PPP4R3B: variants seen among roughly 807,000 people sequenced by gnomAD.
The protein encoded by PPP4R3B is protein phosphatase 4 regulatory subunit 3B.
A neutral mutation model predicts 95.4 loss-of-function variants in PPP4R3B; 52 were observed. That is an observed-to-expected ratio of 0.54 (90% CI 0.44 to 0.69). The LOEUF (loss-of-function observed/expected upper bound fraction) is 0.69, where lower values mean the gene tolerates loss of function less well. PPP4R3B is among the 30% of genes least tolerant of loss of function. The pLI is 0.00. For missense variants in PPP4R3B, 1,003 were observed against 1,005.9 expected (o/e 1.00, Z 0.04); for synonymous variants, 407 against 343.9 (o/e 1.18, Z -2.03).
chr2:55,584,989 T>C (rs372001310), intron 7 of PPP4R3B, 62 bp downstream of exon 7: 8 of 1,142,570 alleles, frequency 7.0e-6, no homozygotes, highest in African/African-American at 6.4e-5. Flanking sequence ...TTTCTCTCAA[T>C]AGTTTGCAAA....
At chr2:55,557,124 A>G (rs2103825991) in intron 16 of PPP4R3B, among the ~76,000 whole-genome samples, 1 of 152,334 alleles carries the variant, frequency 6.6e-6, no homozygotes, top group South Asian at 2.1e-4. Flanking sequence ...GAGAGATTAA[A>G]TAACTTATAC....
chr2:55,562,945 T>C (rs1262050643), intron 15 of PPP4R3B, among the ~76,000 whole-genome samples: 1 of 152,246 alleles, frequency 6.6e-6, no homozygotes, highest in East Asian at 1.9e-4. Context: ...CCGTAAGTCC[T>C]AAATATTCCA....
In PPP4R3B at chr2:55,569,584, CCTCT is replaced by C. The variant is rs900545626; in HGVS notation, c.1766-1225_1766-1222del. On this transcript the variant is annotated intron_variant, in intron 12 of 16. Transcript: ENST00000616407. Reference sequence around the variant, plus strand: ...GTGTAAGCTATCTCTCTCTCTTTCTCCTCTCTCTGCCTCGGCTGCCAGGCAGGGA... The same window carrying C: ...GTGTAAGCTATCTCTCTCTCTTTCTCCTCTGCCTCGGCTGCCAGGCAGGGA... Among the ~76,000 whole-genome samples the C allele has an allele frequency of 2.6e-4, 40 of 152,324 alleles. 1 individual carries two copies. The highest frequency in any genetic ancestry group is 8.9e-4 in the African/African-American group (37 of 41,580).
At chr2:55,571,696 G>T in intron 12 of PPP4R3B, among the ~76,000 whole-genome samples, 1 of 152,282 alleles carries the variant, frequency 6.6e-6, no homozygotes, top group African/African-American at 2.4e-5. Context: ...TGCGATTTCA[G>T]CTCACTGCAA....
rs148269740 is a variant in PPP4R3B, at chr2:55,593,632, G to A, written c.922-4676C>T. Among the ~76,000 whole-genome samples, 104 of 152,274 alleles carry A rather than the reference G, an allele frequency of 6.8e-4. 2 individuals carry two copies. In the East Asian group the frequency reaches 0.017, roughly 25 times the overall value. ...CTTAGAGGCCACTGTAGGGCCAGGT[G>A]TGGTGGTTCACATCTGTAATCCCAA... On this transcript the variant is annotated intron_variant, in intron 4 of 16. Transcript: ENST00000616407.
intron 3 of PPP4R3B, among the ~76,000 whole-genome samples, chr2:55,603,145 G>T (rs938933131): frequency 6.6e-6 from 1 of 152,066 alleles, no homozygotes; most frequent in Non-Finnish European, 1.5e-5. Flanking sequence ...TAGAGATGAG[G>T]TTCCACCATG....
chr2:55,591,155 T>G (rs900871804), intron 4 of PPP4R3B, among the ~76,000 whole-genome samples: 6 of 151,966 alleles, frequency 3.9e-5, no homozygotes, highest in South Asian at 2.1e-4. Flanking sequence ...TTTTTTTTTT[T>G]TTCTAGAGTC....
intron 16 of PPP4R3B, among the ~76,000 whole-genome samples, chr2:55,551,872 CTAT>C (rs1230954770): frequency 6.6e-6 from 1 of 152,128 alleles, no homozygotes; most frequent in Non-Finnish European, 1.5e-5. Context: ...TATCATTTTT[CTAT>C]TATTTTGTTT....
chr2:55,577,249 A>G (rs1260199734), intron 11 of PPP4R3B, 66 bp downstream of exon 11: 4 of 1,494,676 alleles, frequency 2.7e-6, no homozygotes, highest in African/African-American at 2.9e-5. Context: ...ATATAAGTGC[A>G]TTACACTTAG....
intron 2 of PPP4R3B, among the ~76,000 whole-genome samples, chr2:55,611,417 G>A (rs2103872324): frequency 6.6e-6 from 1 of 152,324 alleles, no homozygotes; most frequent in East Asian, 1.9e-4. Flanking sequence ...GTTATTTCAT[G>A]TTGTATCATA....
intron 15 of PPP4R3B, among the ~76,000 whole-genome samples, chr2:55,562,872 G>T (rs1049537189): frequency 2.0e-5 from 3 of 152,076 alleles, no homozygotes; most frequent in African/African-American, 7.2e-5. Flanking sequence ...TTTACTCATG[G>T]TAAAAACCTA....
chr2:55,616,994 A>G (rs1695042693), intron 1 of PPP4R3B, 150 bp downstream of exon 1: 2 of 788,354 alleles, frequency 2.5e-6, no homozygotes, highest in African/African-American at 1.7e-5. Context: ...TCAAAAGTAC[A>G]GTACTTTGTT....
At chr2:55,566,155 G>C (rs1021882995) in intron 13 of PPP4R3B, among the ~76,000 whole-genome samples, 4 of 151,896 alleles carry the variant, frequency 2.6e-5, no homozygotes, top group African/African-American at 9.7e-5. Flanking sequence ...GTCATTTCTT[G>C]AAAAGATACA....
intron 4 of PPP4R3B, among the ~76,000 whole-genome samples, chr2:55,589,160 G>C (rs1162059961): frequency 6.8e-6 from 1 of 147,490 alleles, no homozygotes; most frequent in East Asian, 2.1e-4. Flanking sequence ...TCAATATCTA[G>C]TTTAACTAAA....
intron 12 of PPP4R3B, among the ~76,000 whole-genome samples, chr2:55,569,575 T>A (rs1687730245): frequency 6.6e-6 from 1 of 152,142 alleles, no homozygotes; most frequent in South Asian, 2.1e-4. Flanking sequence ...GCTATCTCTC[T>A]CTCTTTCTCC....
Position 55,568,293 on chromosome 2 carries a change from T to C in PPP4R3B, c.1836A>G (p.Gly612=). 1 of 1,611,170 alleles carries C rather than the reference T, an allele frequency of 6.2e-7. No homozygotes were observed. Among genetic ancestry groups the C allele is most frequent in the Non-Finnish European group, 8.5e-7 (1 of 1,178,576 alleles). Residue 612 remains glycine, a synonymous_variant, in exon 13 of 17, where the codon GGA becomes GGG. Coordinates refer to ENST00000616407, the MANE Select transcript of PPP4R3B (RefSeq NM_001122964.3). ...DEFYNRYITK[G]NLFEPVINAL... The stretch of plus-strand genomic sequence containing the variant: ...CATTTATAACTGGCTCAAAAAGATT[T>C]CCCTTGGTGATGTAACGATTATAAA...
chr2:55,590,664 G>C (rs1399335874), intron 4 of PPP4R3B, among the ~76,000 whole-genome samples: 3 of 152,120 alleles, frequency 2.0e-5, no homozygotes, highest in Non-Finnish European at 4.4e-5. Flanking sequence ...TCATTTTTAT[G>C]AAATGTAATT....
At chr2:55,617,115 C>T (rs754980744) in intron 1 of PPP4R3B, 29 bp downstream of exon 1, 7 of 1,590,448 alleles carry the variant, frequency 4.4e-6, no homozygotes, top group Admixed American at 1.8e-5. Context: ...GAGGCACTAT[C>T]CCCTATTCTA....
chr2:55,565,397 A>G (rs1045108441), intron 13 of PPP4R3B, among the ~76,000 whole-genome samples: 4 of 151,976 alleles, frequency 2.6e-5, no homozygotes, highest in Admixed American at 2.6e-4. Context: ...ATTCTATGAG[A>G]TAGGTTTTAT....
Sources: allele counts gnomAD v4.1 joint callset (sites outside exome capture counted in the v4.1 genomes callset), GRCh38; gene constraint gnomAD v4.1.1; transcripts MANE v1.5; gene names NCBI Gene and HGNC (gene_info 2026-07-23, HGNC 2026-07-21).